NXPH1: variants seen among roughly 807,000 people sequenced by gnomAD.
NXPH1 encodes the protein neurexophilin 1.
Under a neutral mutation model 23.7 loss-of-function variants are expected in NXPH1, and 5 were observed. The ratio of observed to expected loss-of-function variants is 0.21; its 90% CI spans 0.11 to 0.44. The LOEUF is 0.44. NXPH1 is among the 20% of genes least tolerant of loss of function. The probability of loss-of-function intolerance (pLI) is 0.99; values close to 1 mark genes in which losing one functional copy is unlikely to be tolerated. For missense variants in NXPH1, 324 were observed against 321.6 expected (o/e 1.01, Z -0.06); for synonymous variants, 144 against 122.2 (o/e 1.18, Z -1.18).
In NXPH1 at chr7:8,613,603, A is replaced by T. The variant is rs79575563; in HGVS notation, c.55-137405A>T. 7.7e-3 allele frequency among the ~76,000 whole-genome samples: 1,177 copies of T among 152,100 alleles called. 12 individuals are homozygous for T. The highest frequency in any genetic ancestry group is 0.044 in the Middle Eastern group (13 of 294). On this transcript the variant is annotated intron_variant, in intron 2 of 2. Coordinates refer to ENST00000405863, the MANE Select transcript of NXPH1 (RefSeq NM_152745.3). Reference sequence around the variant, plus strand: ...CTGGTTAATGTAGGATATCTTTGTAAAAAGGGACCAGCAACCATTATCTAT... The same window carrying T: ...CTGGTTAATGTAGGATATCTTTGTATAAAGGGACCAGCAACCATTATCTAT...
chr7:8,599,969 GAT>G (rs1265334944), intron 2 of NXPH1, among the ~76,000 whole-genome samples: 5 of 152,104 alleles, frequency 3.3e-5, no homozygotes, highest in Non-Finnish European at 7.4e-5. Context: ...AGAAATGAAA[GAT>G]GTGGGATTGT....
chr7:8,662,293 G>A (rs950587454), intron 2 of NXPH1, among the ~76,000 whole-genome samples: 5 of 151,970 alleles, frequency 3.3e-5, no homozygotes, highest in Middle Eastern at 6.8e-3. Flanking sequence ...ATATAAATTT[G>A]TAACTGGCAC....
At chr7:8,695,123 A>G (rs1222919177) in intron 2 of NXPH1, among the ~76,000 whole-genome samples, 2 of 152,334 alleles carry the variant, frequency 1.3e-5, no homozygotes, top group East Asian at 1.9e-4. Context: ...ATTTTCTTCT[A>G]TATTAAATCT....
intron 2 of NXPH1, among the ~76,000 whole-genome samples, chr7:8,657,138 T>TA (rs1440735037): frequency 1.2e-4 from 19 of 152,326 alleles, no homozygotes; most frequent in African/African-American, 4.6e-4. Context: ...TTCTTAGTCT[T>TA]ACAGTGTCTG....
chr7:8,468,790 T>C (rs1816824946), intron 2 of NXPH1, among the ~76,000 whole-genome samples: 1 of 152,062 alleles, frequency 6.6e-6, no homozygotes, highest in Non-Finnish European at 1.5e-5. Context: ...AGTTCTTAGA[T>C]TTGAGCGACT....
intron 2 of NXPH1, among the ~76,000 whole-genome samples, chr7:8,577,397 A>G (rs1314393924): frequency 6.6e-6 from 1 of 152,064 alleles, no homozygotes; most frequent in Non-Finnish European, 1.5e-5. Context: ...GAGAGTAACA[A>G]TCTTCTTTGC....
At chr7:8,494,333 A>G (rs1441262566) in intron 2 of NXPH1, among the ~76,000 whole-genome samples, 1 of 151,994 alleles carries the variant, frequency 6.6e-6, no homozygotes. Flanking sequence ...TGTTACACAT[A>G]TTTTTCAATT....
chr7:8,464,754 T>TG (rs1158366603), intron 2 of NXPH1, among the ~76,000 whole-genome samples: 1 of 126,764 alleles, frequency 7.9e-6, no homozygotes. Context: ...ATGCGTGTAG[T>TG]GTTTTTTTTT....
intron 2 of NXPH1, among the ~76,000 whole-genome samples, chr7:8,673,991 A>G (rs543451639): frequency 2.6e-4 from 40 of 152,126 alleles, no homozygotes; most frequent in Non-Finnish European, 5.3e-4. Flanking sequence ...GTTGAAAGCT[A>G]CTCCACATAA....
intron 2 of NXPH1, among the ~76,000 whole-genome samples, chr7:8,584,309 G>T (rs75128465): frequency 6.6e-6 from 1 of 152,218 alleles, no homozygotes; most frequent in East Asian, 1.9e-4. Context: ...AGAGACTATT[G>T]AAACACCAAT....
chr7:8,560,328 A>G (rs1818422279), intron 2 of NXPH1, among the ~76,000 whole-genome samples: 1 of 151,746 alleles, frequency 6.6e-6, no homozygotes, highest in African/African-American at 2.4e-5. Flanking sequence ...TTGACATTTG[A>G]AAACCAGAGT....
At chr7:8,529,863 C>T (rs1162543055) in intron 2 of NXPH1, among the ~76,000 whole-genome samples, 4 of 152,062 alleles carry the variant, frequency 2.6e-5, no homozygotes, top group Non-Finnish European at 4.4e-5. Context: ...TAATTTCTGG[C>T]CTCTCTCTTC....
chr7:8,463,225 A>G (rs1366052853), intron 2 of NXPH1, among the ~76,000 whole-genome samples: 6 of 152,168 alleles, frequency 3.9e-5, no homozygotes, highest in Non-Finnish European at 5.9e-5. Context: ...GCATATTTAC[A>G]TATACTGACA....
chr7:8,717,443 C>T (rs1007692053), intron 2 of NXPH1, among the ~76,000 whole-genome samples: 2 of 151,966 alleles, frequency 1.3e-5, no homozygotes, highest in South Asian at 2.1e-4. Context: ...TCCTAGGATT[C>T]GGCTGAAAGA....
At chr7:8,721,216 A>G (rs1445969696) in intron 2 of NXPH1, among the ~76,000 whole-genome samples, 1 of 152,178 alleles carries the variant, frequency 6.6e-6, no homozygotes, top group African/African-American at 2.4e-5. Context: ...TACTCTCAAA[A>G]TGGCTCAGAA....
At position 8,636,522 on chromosome 7, in the gene NXPH1, A is replaced by G. The variant is rs150332011; in HGVS notation, c.55-114486A>G. Among the ~76,000 whole-genome samples the G allele has an allele frequency of 2.4e-3, 367 of 152,320 alleles. 2 individuals carry two copies. The highest frequency in any genetic ancestry group is 8.3e-3 in the African/African-American group (345 of 41,568). ...ACTTTCTGTGAGAACTTAGCAAAGG[A>G]TTAAAAAGGAAAGGGCAAACCAAGG... On this transcript the variant is annotated intron_variant, in intron 2 of 2. Transcript: ENST00000405863.
At chr7:8,750,652 G>A (rs975547903) in intron 2 of NXPH1, among the ~76,000 whole-genome samples, 14 of 152,154 alleles carry the variant, frequency 9.2e-5, no homozygotes, top group African/African-American at 3.4e-4. Flanking sequence ...TATTCATGCT[G>A]GGTGGCCTTT....
chr7:8,482,593 CA>C (rs1413953443), intron 2 of NXPH1, among the ~76,000 whole-genome samples: 1 of 152,144 alleles, frequency 6.6e-6, no homozygotes, highest in Non-Finnish European at 1.5e-5. Flanking sequence ...CCTTTTAAAT[CA>C]GGGGTGGAGA....
chr7:8,572,309 T>C (rs894711164), intron 2 of NXPH1, among the ~76,000 whole-genome samples: 1 of 151,978 alleles, frequency 6.6e-6, no homozygotes, highest in South Asian at 2.1e-4. Flanking sequence ...CTGAGAATTT[T>C]GTAAAACATT....
Sources: gnomAD v4.1 joint callset for allele counts (sites outside exome capture counted in the v4.1 genomes callset) on GRCh38, gnomAD v4.1.1 for gene constraint, MANE v1.5 for transcripts, NCBI Gene and HGNC (gene_info 2026-07-23, HGNC 2026-07-21) for gene names.